The following CFAP54 variants were observed in gnomAD, a reference collection of about 807,000 sequenced individuals.
CFAP54 encodes the protein cilia and flagella associated protein 54.
A neutral mutation model predicts 370.4 loss-of-function variants in CFAP54; 290 were observed. That is an observed-to-expected ratio of 0.78 (90% CI 0.71 to 0.86). The LOEUF (loss-of-function observed/expected upper bound fraction) is 0.86, where lower values mean the gene tolerates loss of function less well. Among genes scored for constraint, CFAP54 ranks in the 40% least tolerant of loss-of-function variants. The pLI, the probability that CFAP54 is intolerant of heterozygous loss-of-function variation, is 0.00. For missense variants in CFAP54, 3,399 were observed against 3,528.7 expected, an observed-to-expected ratio of 0.96 and a Z score of 0.93; for synonymous variants, 1,206 against 1,236.5, an observed-to-expected ratio of 0.98 and a Z score of 0.52.
intron 50 of CFAP54, among the ~76,000 whole-genome samples, chr12:96,729,707 A>G (rs1452728798): frequency 6.6e-6 from 1 of 152,158 alleles, no homozygotes; most frequent in Non-Finnish European, 1.5e-5. Flanking sequence ...TCCTGCGCCC[A>G]CTGTCTGGCA....
Position 96,792,419 on chromosome 12 carries a change from A to C in CFAP54, c.8770A>C (p.Thr2924Pro). The change falls in exon 63 of 68, where the codon ACG becomes CCG. Residue 2924 changes from threonine to proline, a missense_variant. Thr to Pro is a conservative substitution (Grantham distance 38, BLOSUM62 -1). This residue lies in a region of CFAP54 where 2,796 missense variants were observed against 2,869.7 expected (regional missense o/e 0.97). Transcript: ENST00000524981. ...GGACATAACGCCAATAGAAATGGTA[A>C]CGCAAGCTTCAAACAAAGAACTTTG... is the stretch of plus-strand genomic sequence containing the variant. ...CVDITPIEMV[T>P]QASNKELCFQ... 1 of 1,535,990 alleles carries C rather than the reference A, an allele frequency of 6.5e-7. No homozygotes were observed. The highest frequency in any genetic ancestry group is 8.7e-7 in the Non-Finnish European group (1 of 1,146,810).
intron 35 of CFAP54, 79 bp downstream of exon 35, chr12:96,650,151 T>C (rs1039415341): frequency 1.8e-5 from 22 of 1,200,738 alleles, no homozygotes; most frequent in Admixed American, 2.4e-5. Flanking sequence ...ATACATTGTG[T>C]TTATTTTCTT....
chr12:96,795,375 C>G (rs1435973515), intron 63 of CFAP54, among the ~76,000 whole-genome samples: 2 of 152,044 alleles, frequency 1.3e-5, no homozygotes, highest in Non-Finnish European at 2.9e-5. Context: ...CTTTGGCTAC[C>G]AGAGTGGTAT....
At chr12:96,774,637 C>A (rs1958497441) in intron 60 of CFAP54, among the ~76,000 whole-genome samples, 1 of 152,020 alleles carries the variant, frequency 6.6e-6, no homozygotes, top group Non-Finnish European at 1.5e-5. Flanking sequence ...TGTCTAGTTC[C>A]AAAAAGTCCT....
At chr12:96,496,359 A>T (rs1954954884) in intron 1 of CFAP54, among the ~76,000 whole-genome samples, 1 of 152,244 alleles carries the variant, frequency 6.6e-6, no homozygotes, top group Non-Finnish European at 1.5e-5. Flanking sequence ...CCATAACAAA[A>T]TACTACAGAC....
intron 47 of CFAP54, 26 bp from the exon 48 acceptor site, chr12:96,708,582 T>C (rs1415725021): frequency 1.3e-6 from 2 of 1,559,162 alleles, no homozygotes; most frequent in Non-Finnish European, 1.7e-6. Context: ...TCTAATTTGC[T>C]CTTTTTCCTT....
intron 60 of CFAP54, among the ~76,000 whole-genome samples, chr12:96,768,708 A>G (rs1411478265): frequency 1.3e-5 from 2 of 152,136 alleles, no homozygotes; most frequent in Non-Finnish European, 2.9e-5. Context: ...AACAAAAACA[A>G]ACAAAAAAAG....
intron 45 of CFAP54, among the ~76,000 whole-genome samples, chr12:96,699,129 CA>C (rs1172459256): frequency 1.3e-5 from 2 of 152,164 alleles, no homozygotes; most frequent in African/African-American, 4.8e-5. Flanking sequence ...TTGCAAAAGG[CA>C]ACCAATCAGA....
chr12:96,703,807 T>A (rs1291019117), intron 46 of CFAP54, among the ~76,000 whole-genome samples: 3 of 152,046 alleles, frequency 2.0e-5, no homozygotes, highest in Admixed American at 2.0e-4. Flanking sequence ...TGGGTGGGAG[T>A]GTAAATTGAG....
chr12:96,586,033 G>C (rs1956073686), intron 22 of CFAP54, among the ~76,000 whole-genome samples: 1 of 152,144 alleles, frequency 6.6e-6, no homozygotes, highest in Admixed American at 6.5e-5. Context: ...TCTGTGGGTA[G>C]AGGGATATTA....
chr12:96,496,548 C>A (rs1416203679), intron 1 of CFAP54, among the ~76,000 whole-genome samples: 1 of 152,208 alleles, frequency 6.6e-6, no homozygotes, highest in Non-Finnish European at 1.5e-5. Context: ...AAAAGAGCAA[C>A]CTCTCTGGAG....
In CFAP54 at chr12:96,534,011, GT is replaced by G. The variant is rs754317301; in HGVS notation, c.1539+40del. ...AAATTATCCTCCTGGTTTTTTTTTT[GT>G]TAAAATGACATCCAATTACTAATTA... is the stretch of plus-strand genomic sequence containing the variant. On this transcript the variant is annotated intron_variant, in intron 10 of 67. Transcript: ENST00000524981. 4.7e-6 allele frequency: 7 copies of G among 1,483,040 alleles called. No individual in the cohort carries two copies. In the Middle Eastern group the frequency reaches 7.0e-4, roughly 148 times the overall value. 91.9% of individuals were successfully genotyped at this position (1,483,040 alleles called of 1,614,324 possible). A position where few individuals can be genotyped will look rare whatever the true frequency, so the allele number is the denominator to read the frequency against.
At chr12:96,729,200 C>G (rs1344756765) in intron 50 of CFAP54, among the ~76,000 whole-genome samples, 3 of 152,178 alleles carry the variant, frequency 2.0e-5, no homozygotes, top group Non-Finnish European at 4.4e-5. Context: ...AACCACTGCT[C>G]CCTTCAAAGC....
intron 66 of CFAP54, among the ~76,000 whole-genome samples, chr12:96,847,918 G>A (rs769687475): frequency 5.9e-5 from 9 of 152,212 alleles, no homozygotes; most frequent in Non-Finnish European, 1.0e-4. Context: ...GACAATGGTA[G>A]TGATGGTGAT....
At chr12:96,708,009 T>A (rs969557324) in intron 47 of CFAP54, among the ~76,000 whole-genome samples, 1 of 152,030 alleles carries the variant, frequency 6.6e-6, no homozygotes, top group Non-Finnish European at 1.5e-5. Context: ...ACAATTTGTG[T>A]GATTGTGTGA....
chr12:96,550,016 T>C (rs1565893374), intron 15 of CFAP54, among the ~76,000 whole-genome samples: 1 of 152,246 alleles, frequency 6.6e-6, no homozygotes, highest in East Asian at 1.9e-4. Context: ...AGAAAACTTA[T>C]TTCAAAGTTT....
intron 60 of CFAP54, among the ~76,000 whole-genome samples, chr12:96,767,298 T>C (rs1427186423): frequency 6.6e-6 from 1 of 152,058 alleles, no homozygotes; most frequent in Non-Finnish European, 1.5e-5. Context: ...ACGAAAAAGG[T>C]GCTGTGATTA....
chr12:96,589,596 T>A (rs1273459331), intron 23 of CFAP54, 33 bp downstream of exon 23: 2 of 1,302,442 alleles, frequency 1.5e-6, no homozygotes, highest in South Asian at 2.7e-5. Flanking sequence ...AATATTAATT[T>A]GCTTATTGAA....
At position 96,684,685 on chromosome 12, in the gene CFAP54, T is replaced by C; in HGVS notation, c.5754T>C (p.Val1918=). 1 of 1,613,432 alleles carries C rather than the reference T, an allele frequency of 6.2e-7. No homozygotes were observed. The highest frequency in any genetic ancestry group is 1.1e-5 in the South Asian group (1 of 90,798). The part of the protein sequence containing the change: ...LQASNQRSLK[V]QALHSLGSLL... ...CCAGCAATCAAAGAAGTCTTAAAGT[T>C]CAGGCGTTGCATTCACTTGGAAGTC... The change falls in exon 41 of 68, where the codon GTT becomes GTC. Residue 1918 remains valine, a synonymous_variant. Coordinates refer to ENST00000524981, the MANE Select transcript of CFAP54 (RefSeq NM_001306084.2).
Sources: gnomAD v4.1 joint callset for allele counts (sites outside exome capture counted in the v4.1 genomes callset) on GRCh38, gnomAD v4.1.1 for gene constraint, gnomAD v4.1.1 regional missense constraint, MANE v1.5 for transcripts, NCBI Gene and HGNC (gene_info 2026-07-23, HGNC 2026-07-21) for gene names.